SGCZ: variants seen among roughly 807,000 people sequenced by gnomAD.
SGCZ encodes the protein sarcoglycan zeta.
SGCZ carries 40 observed loss-of-function variants against 41.3 expected under a neutral mutation model. That is an observed-to-expected ratio of 0.97 (90% CI 0.75 to 1.26). SGCZ has a LOEUF of 1.26. Ranked by LOEUF, SGCZ falls within the 50% of genes most tolerant of loss-of-function variation. The probability of loss-of-function intolerance (pLI) is 0.00; values close to 1 mark genes in which losing one functional copy is unlikely to be tolerated. For synonymous variants in SGCZ, 206 were observed against 137.5 expected, an observed-to-expected ratio of 1.50 and a Z score of -3.49; for missense variants, 552 against 369.8, an observed-to-expected ratio of 1.49 and a Z score of -4.04.
intron 1 of SGCZ, among the ~76,000 whole-genome samples, chr8:15,199,060 T>C (rs1800818849): frequency 6.6e-6 from 1 of 152,210 alleles, no homozygotes; most frequent in Non-Finnish European, 1.5e-5. Context: ...ATTTCATGAC[T>C]TTCCTCTGCC....
chr8:15,202,217 C>A (rs1800912626), intron 1 of SGCZ, among the ~76,000 whole-genome samples: 1 of 152,152 alleles, frequency 6.6e-6, no homozygotes, highest in Non-Finnish European at 1.5e-5. Context: ...GTAATAGCAA[C>A]TCTGATAGAA....
intron 1 of SGCZ, among the ~76,000 whole-genome samples, chr8:15,148,835 G>A (rs957693319): frequency 3.9e-5 from 6 of 152,188 alleles, no homozygotes; most frequent in Non-Finnish European, 7.3e-5. Flanking sequence ...GGAAAGAGGA[G>A]AGTGAAAGAA....
chr8:15,077,215 T>C (rs1204606812), intron 1 of SGCZ, among the ~76,000 whole-genome samples: 1 of 152,222 alleles, frequency 6.6e-6, no homozygotes, highest in Non-Finnish European at 1.5e-5. Flanking sequence ...AGCATTACAA[T>C]GGCTTCAGTG....
chr8:14,310,261 T>C (rs1474537995), intron 3 of SGCZ, among the ~76,000 whole-genome samples: 4 of 152,176 alleles, frequency 2.6e-5, no homozygotes, highest in African/African-American at 7.2e-5. Context: ...TTTGTTTTTT[T>C]CCTCATGTAA....
chr8:14,402,544 G>A (rs924070480), intron 2 of SGCZ, among the ~76,000 whole-genome samples: 17 of 147,154 alleles, frequency 1.2e-4, no homozygotes, highest in Non-Finnish European at 1.9e-4. Context: ...ATTAAATAGG[G>A]AATCCTTTCC....
At chr8:14,257,887 T>C (rs1482600947) in intron 3 of SGCZ, among the ~76,000 whole-genome samples, 2 of 152,234 alleles carry the variant, frequency 1.3e-5, no homozygotes, top group East Asian at 3.8e-4. Context: ...ATTATATTCT[T>C]ATATTTGAAA....
chr8:14,852,292 G>T (rs1803357713), intron 1 of SGCZ, among the ~76,000 whole-genome samples: 1 of 152,092 alleles, frequency 6.6e-6, no homozygotes, highest in Non-Finnish European at 1.5e-5. Flanking sequence ...GGTAGAAATA[G>T]TTCATCAAGG....
At chr8:14,609,977 C>G (rs11203640) in intron 1 of SGCZ, among the ~76,000 whole-genome samples, 94,033 of 151,382 alleles carry the variant, frequency 0.62, 29,283 homozygotes, top group East Asian at 0.72. Context: ...TGAATACATT[C>G]ATATTTTTGT....
chr8:14,728,249 G>A (rs1810122998), intron 1 of SGCZ, among the ~76,000 whole-genome samples: 1 of 151,114 alleles, frequency 6.6e-6, no homozygotes, highest in African/African-American at 2.4e-5. Flanking sequence ...TAAATTAACA[G>A]GACTTAATTG....
At chr8:14,896,399 A>G (rs1398616186) in intron 1 of SGCZ, among the ~76,000 whole-genome samples, 3 of 152,144 alleles carry the variant, frequency 2.0e-5, no homozygotes, top group Non-Finnish European at 4.4e-5. Flanking sequence ...GGGGGCAAAT[A>G]ATGATTCTAC....
intron 1 of SGCZ, among the ~76,000 whole-genome samples, chr8:15,024,183 C>T (rs1007264302): frequency 6.6e-6 from 1 of 152,072 alleles, no homozygotes; most frequent in African/African-American, 2.4e-5. Flanking sequence ...TGCAGATAAC[C>T]AGGCACCATA....
At chr8:14,864,050 C>G (rs1803843800) in intron 1 of SGCZ, among the ~76,000 whole-genome samples, 1 of 152,126 alleles carries the variant, frequency 6.6e-6, no homozygotes. Context: ...CCAATTCCCA[C>G]ATCAATATAT....
chr8:14,690,390 G>A (rs1446080501), intron 1 of SGCZ: 1 of 152,032 alleles, frequency 6.6e-6, no homozygotes, highest in South Asian at 2.1e-4. Context: ...GTCTCAGGCT[G>A]AGTTTGAAAA....
At chr8:15,133,407 A>G (rs1249675458) in intron 1 of SGCZ, among the ~76,000 whole-genome samples, 1 of 152,166 alleles carries the variant, frequency 6.6e-6, no homozygotes, top group African/African-American at 2.4e-5. Flanking sequence ...CTATCTCTAC[A>G]GGTCATGATT....
At chr8:14,873,481 G>C (rs751709426) in intron 1 of SGCZ, among the ~76,000 whole-genome samples, 6 of 152,090 alleles carry the variant, frequency 3.9e-5, no homozygotes, top group Non-Finnish European at 7.4e-5. Context: ...TTGTAAGGTG[G>C]GGTTGATGGA....
chr8:14,407,308 A>C (rs1353886882), intron 2 of SGCZ, among the ~76,000 whole-genome samples: 1 of 152,016 alleles, frequency 6.6e-6, no homozygotes, highest in Non-Finnish European at 1.5e-5. Flanking sequence ...ACCTCAAGCG[A>C]TCCAAGGTTT....
intron 1 of SGCZ, among the ~76,000 whole-genome samples, chr8:14,630,897 G>T (rs62493098): frequency 2.7e-5 from 4 of 150,342 alleles, no homozygotes; most frequent in Non-Finnish European, 5.9e-5. Context: ...GAGAGGGATA[G>T]CATTAGGAGA....
At chr8:15,077,199 G>T (rs1047815281) in intron 1 of SGCZ, among the ~76,000 whole-genome samples, 2 of 152,068 alleles carry the variant, frequency 1.3e-5, no homozygotes, top group Non-Finnish European at 2.9e-5. Flanking sequence ...GACTTTATCA[G>T]AAATAAGCAT....
intron 1 of SGCZ, among the ~76,000 whole-genome samples, chr8:14,754,817 C>T (rs1799606816): frequency 6.6e-6 from 1 of 152,122 alleles, no homozygotes; most frequent in Non-Finnish European, 1.5e-5. Context: ...ATCCTCATGC[C>T]TTGAGTAGGT....
Sources: allele counts gnomAD v4.1 joint callset (sites outside exome capture counted in the v4.1 genomes callset), GRCh38; gene constraint gnomAD v4.1.1; transcripts MANE v1.5; gene names NCBI Gene and HGNC (gene_info 2026-07-23, HGNC 2026-07-21).